The following LDLRAD4 variants were observed in gnomAD, a reference collection of about 807,000 sequenced individuals.
The protein encoded by LDLRAD4 is low-density lipoprotein receptor class A domain-containing protein 4.
A neutral mutation model predicts 17.0 loss-of-function variants in LDLRAD4; 5 were observed. The observed-to-expected ratio is 0.29, with a 90% CI of 0.15 to 0.62. The LOEUF (loss-of-function observed/expected upper bound fraction) is 0.62, where lower values mean the gene tolerates loss of function less well. Ranked by LOEUF, LDLRAD4 falls within the 20% of genes least tolerant of loss-of-function variation. The pLI is 0.84. For missense variants in LDLRAD4, 340 were observed against 424.7 expected (o/e 0.80, Z 1.75); for synonymous variants, 168 against 171.8 (o/e 0.98, Z 0.17).
At chr18:13,564,440 C>T (rs1193267617) in intron 3 of LDLRAD4, among the ~76,000 whole-genome samples, 1 of 152,072 alleles carries the variant, frequency 6.6e-6, no homozygotes, top group Admixed American at 6.5e-5. Context: ...GGCCAGGCCT[C>T]AGGGTGGGGC....
intron 2 of LDLRAD4, among the ~76,000 whole-genome samples, chr18:13,400,988 A>G (rs1193984302): frequency 6.6e-6 from 1 of 152,204 alleles, no homozygotes; most frequent in Non-Finnish European, 1.5e-5. Flanking sequence ...GCCATTTCAG[A>G]CAGCATTCAG....
At position 13,398,860 on chromosome 18, in the gene LDLRAD4, A is replaced by G. The variant is rs1360349227; in HGVS notation, c.40+11098A>G. Among the ~76,000 whole-genome samples the G allele has an allele frequency of 6.6e-6, 1 of 152,152 alleles. No homozygotes were observed. Among genetic ancestry groups the G allele is most frequent in the Non-Finnish European group, 1.5e-5 (1 of 68,018 alleles). On this transcript the variant is annotated intron_variant, in intron 2 of 5. Coordinates refer to ENST00000359446, the Ensembl canonical transcript of LDLRAD4. The surrounding 1 kb of genome is among the most constrained non-coding windows in gnomAD (Gnocchi z 4.8). ...GTTGTTGCCTGGGACTCACTTCCCT[A>G]CGGGGCATTGGTTCCAGTATTGTGT...
chr18:13,634,530 C>T (rs1418393609), intron 4 of LDLRAD4, among the ~76,000 whole-genome samples: 1 of 152,072 alleles, frequency 6.6e-6, no homozygotes, highest in Admixed American at 6.5e-5. Flanking sequence ...GACTTGTGCA[C>T]TGAGCAATAG....
intron 3 of LDLRAD4, among the ~76,000 whole-genome samples, chr18:13,572,689 C>A: frequency 6.6e-6 from 1 of 152,218 alleles, no homozygotes; most frequent in East Asian, 1.9e-4. Context: ...TCCCAGAGAT[C>A]ACCATTTTTT....
chr18:13,543,285 C>T (rs1377160119), intron 3 of LDLRAD4: 3 of 152,174 alleles, frequency 2.0e-5, no homozygotes, highest in Non-Finnish European at 4.4e-5. Flanking sequence ...AGCTCCTGTT[C>T]CTAAAATCAT....
intron 3 of LDLRAD4, among the ~76,000 whole-genome samples, chr18:13,591,892 G>A (rs1406461338): frequency 6.6e-6 from 1 of 152,180 alleles, no homozygotes; most frequent in South Asian, 2.1e-4. Flanking sequence ...GCATTTGGGG[G>A]TAATTATAAC....
At chr18:13,650,649 TATATAAGTTGA>T (rs2043208818) in exon 6 of LDLRAD4, 1 of 311,324 alleles carries the variant, frequency 3.2e-6, no homozygotes, top group South Asian at 1.6e-4. Context: ...TAAGGTGCTG[TATATAAGTTGA>T]ATATATTATG....
Position 13,388,174 on chromosome 18 carries a change from T to A in LDLRAD4, c.40+412T>A, listed in dbSNP as rs563377219. ...TGTGTGCTTGGTGCCTCCCCATCTTTAATTTCTCACATTTATTTGTGTGCT... is the reference window on the plus strand; with the variant it reads ...TGTGTGCTTGGTGCCTCCCCATCTTAAATTTCTCACATTTATTTGTGTGCT... On this transcript the variant is annotated intron_variant, in intron 2 of 5. Coordinates refer to ENST00000359446, the Ensembl canonical transcript of LDLRAD4. Among the ~76,000 whole-genome samples the A allele has an allele frequency of 5.3e-5, 8 of 152,306 alleles. No homozygotes were observed. The East Asian group carries it at 1.5e-3, about 29-fold the overall frequency.
At position 13,338,077 on chromosome 18, in the gene LDLRAD4, T is replaced by C. The variant is rs547935632; in HGVS notation, c.-382-49264T>C. On this transcript the variant is annotated intron_variant, in intron 1 of 5. Transcript: ENST00000359446. Reference sequence around the variant, plus strand: ...GTCACCTACAGCTTCAAGTTACCCCTTTTCCCTTCTCTTTCCCTTCTCCTT... The same window carrying C: ...GTCACCTACAGCTTCAAGTTACCCCCTTTCCCTTCTCTTTCCCTTCTCCTT... 1.3e-5 allele frequency among the ~76,000 whole-genome samples: 2 copies of C among 152,264 alleles called. 1 individual carries two copies. The highest frequency in any genetic ancestry group is 4.1e-4 in the South Asian group (2 of 4,824).
At chr18:13,550,908 A>G (rs989678309) in intron 3 of LDLRAD4, among the ~76,000 whole-genome samples, 2 of 152,054 alleles carry the variant, frequency 1.3e-5, no homozygotes, top group Non-Finnish European at 2.9e-5. Flanking sequence ...TCCTATGAGT[A>G]CAGATGCTGT....
chr18:13,342,266 G>A (rs4797764), intron 1 of LDLRAD4, among the ~76,000 whole-genome samples: 2 of 151,726 alleles, frequency 1.3e-5, no homozygotes, highest in African/African-American at 4.8e-5. Flanking sequence ...GTTAGAAAAC[G>A]TTCCTTCCTC....
intron 2 of LDLRAD4, among the ~76,000 whole-genome samples, chr18:13,408,459 T>A (rs182993776): frequency 6.6e-4 from 100 of 152,152 alleles, no homozygotes; most frequent in African/African-American, 2.3e-3. Context: ...ACACAGCTTT[T>A]TTTTTAAATT....
At chr18:13,546,344 A>C (rs2094362601) in intron 3 of LDLRAD4, among the ~76,000 whole-genome samples, 1 of 151,936 alleles carries the variant, frequency 6.6e-6, no homozygotes, top group South Asian at 2.1e-4. Context: ...TCAACAATAA[A>C]AGATTGAAGA....
chr18:13,501,584 CT>C (rs11324432), intron 3 of LDLRAD4, among the ~76,000 whole-genome samples: 101,042 of 147,808 alleles, frequency 0.68, 38,516 homozygotes, highest in Non-Finnish European at 0.86. Context: ...AATTGTGTTG[CT>C]TTTTTTTTTT....
chr18:13,577,199 A>C (rs1724685172), intron 3 of LDLRAD4, among the ~76,000 whole-genome samples: 1 of 152,084 alleles, frequency 6.6e-6, no homozygotes, highest in Non-Finnish European at 1.5e-5. Flanking sequence ...GGGAAAGTCA[A>C]CTCCTGGGCA....
At chr18:13,453,493 A>G (rs2091957298) in intron 3 of LDLRAD4, among the ~76,000 whole-genome samples, 3 of 152,188 alleles carry the variant, frequency 2.0e-5, no homozygotes, top group Admixed American at 2.0e-4. Context: ...GCTGCCGGCA[A>G]GGAAGGCAGG....
chr18:13,559,539 T>G (rs1601380903), intron 3 of LDLRAD4, among the ~76,000 whole-genome samples: 1 of 152,240 alleles, frequency 6.6e-6, no homozygotes, highest in African/African-American at 2.4e-5. Context: ...TATATGTGTA[T>G]GTATGTACAT....
At chr18:13,556,310 G>A (rs2094482838) in intron 3 of LDLRAD4, among the ~76,000 whole-genome samples, 1 of 152,232 alleles carries the variant, frequency 6.6e-6, no homozygotes, top group Admixed American at 6.5e-5. Flanking sequence ...CTAGGGCCTT[G>A]CTGGAACAAG....
chr18:13,437,511 T>A (rs2090743627), intron 2 of LDLRAD4, among the ~76,000 whole-genome samples: 1 of 152,242 alleles, frequency 6.6e-6, no homozygotes, highest in Non-Finnish European at 1.5e-5. Flanking sequence ...GAATTCCATT[T>A]TCAAATATTG....
Sources: gnomAD v4.1 joint callset for allele counts (sites outside exome capture counted in the v4.1 genomes callset) on GRCh38, gnomAD v4.1.1 for gene constraint, Gnocchi (gnomAD v3.1) non-coding constraint, MANE v1.5 for transcripts, NCBI Gene and HGNC (gene_info 2026-07-23, HGNC 2026-07-21) for gene names.